Variants in PIK3R1 observed in about 807,000 individuals in gnomAD.
The protein encoded by PIK3R1 is phosphatidylinositol 3-kinase regulatory subunit alpha.
In PIK3R1, 29 loss-of-function variants were observed where a neutral mutation model predicts 98.0. That is an observed-to-expected ratio of 0.30 (90% CI 0.22 to 0.40). The LOEUF is 0.40. Among genes scored for constraint, PIK3R1 ranks in the 10% least tolerant of loss-of-function variants. PIK3R1 has a pLI of 1.00. For missense variants in PIK3R1, 596 were observed against 872.7 expected, an observed-to-expected ratio of 0.68 and a Z score of 3.99; for synonymous variants, 282 against 311.8, an observed-to-expected ratio of 0.90 and a Z score of 1.01.
In PIK3R1 at chr5:68,292,251, A is replaced by T; in HGVS notation, c.917-8A>T. On this transcript the variant is annotated splice_region_variant and splice_polypyrimidine_tract_variant and intron_variant, in intron 7 of 15. Transcript: ENST00000521381. ...GATTGCGAACAACTTTTTCTTTTTCATCTGCAGCACTGCCTCCTAAACCAC... is the reference window on the plus strand; with the variant it reads ...GATTGCGAACAACTTTTTCTTTTTCTTCTGCAGCACTGCCTCCTAAACCAC... The T allele has an allele frequency of 6.3e-7, 1 of 1,588,384 alleles. No individual in the cohort carries two copies. The highest frequency in any genetic ancestry group is 1.8e-5 in the Admixed American group (1 of 55,434).
intron 2 of PIK3R1, among the ~76,000 whole-genome samples, chr5:68,250,629 C>A (rs1218602851): frequency 6.6e-6 from 1 of 152,186 alleles, no homozygotes; most frequent in Non-Finnish European, 1.5e-5. Flanking sequence ...GATCTAATCT[C>A]AGGACCTAAC....
intron 2 of PIK3R1, among the ~76,000 whole-genome samples, chr5:68,267,525 A>C (rs774307592): frequency 6.6e-6 from 1 of 151,974 alleles, no homozygotes; most frequent in African/African-American, 2.4e-5. Context: ...TCTGTCGGCA[A>C]CTCTTTTAAT....
Position 68,226,910 on chromosome 5 carries a change from A to G in PIK3R1, c.235A>G (p.Arg79Gly). The change falls in exon 2 of 16, where the codon AGG (arginine) becomes GGG (glycine). Residue 79 changes from arginine (R) to glycine (G), a missense_variant. Physicochemically the swap from Arg to Gly is moderately radical, Grantham distance 125. Transcript: ENST00000521381. ...GGGAACTTACGTAGAATATATTGGA[A>G]GGAAAAAAATCTCGCCTCCCACACC... ...FPGTYVEYIG[R>G]KKISPPTPKP... 6.2e-7 allele frequency: 1 copy of G among 1,614,136 alleles called. No individual in the cohort carries two copies. Among genetic ancestry groups the G allele is most frequent in the Non-Finnish European group, 8.5e-7 (1 of 1,180,008 alleles).
At chr5:68,254,467 T>C (rs1745435914) in intron 2 of PIK3R1, among the ~76,000 whole-genome samples, 1 of 152,214 alleles carries the variant, frequency 6.6e-6, no homozygotes, top group Non-Finnish European at 1.5e-5. Flanking sequence ...TTGGAATCTC[T>C]CTATAAAGGA....
chr5:68,280,418 A>T (rs1254195488), intron 5 of PIK3R1, 110 bp from the exon 6 acceptor site: 1 of 747,226 alleles, frequency 1.3e-6, no homozygotes, highest in African/African-American at 1.7e-5. Flanking sequence ...AACTTTTTAA[A>T]TGACTCCTAT....
rs977759000 is a variant in PIK3R1, at chr5:68,297,915, A to C, written c.*314A>C. The C allele has an allele frequency of 3.9e-6, 1 of 253,844 alleles. No individual in the cohort carries two copies. The highest frequency in any genetic ancestry group is 2.2e-5 in the African/African-American group (1 of 45,920). 15.7% of individuals were successfully genotyped at this position (253,844 alleles called of 1,614,324 possible). On this transcript the variant is annotated 3_prime_UTR_variant, in exon 16 of 16. Transcript: ENST00000521381. ...TGCAAAAATCTCTGCGTGCAGGGAC[A>C]AAGAGGCCTTTAACCATGGTGCTTG... is the stretch of plus-strand genomic sequence containing the variant.
intron 7 of PIK3R1, chr5:68,288,776 T>C (rs992563660): frequency 7.3e-7 from 1 of 1,373,266 alleles, no homozygotes. Flanking sequence ...ATTTGTGCAC[T>C]TCTCTGTTCC....
intron 2 of PIK3R1, among the ~76,000 whole-genome samples, chr5:68,242,111 T>C (rs1341255655): frequency 6.6e-6 from 1 of 152,210 alleles, no homozygotes; most frequent in Non-Finnish European, 1.5e-5. Context: ...CTCATTCCAT[T>C]TAGGCAAAAG....
intron 2 of PIK3R1, among the ~76,000 whole-genome samples, chr5:68,263,644 G>A (rs1746001322): frequency 6.6e-6 from 1 of 152,116 alleles, no homozygotes; most frequent in Non-Finnish European, 1.5e-5. Flanking sequence ...GTTAAGGATT[G>A]TGTTTACTTT....
intron 2 of PIK3R1, among the ~76,000 whole-genome samples, chr5:68,230,694 G>A (rs368301355): frequency 2.0e-5 from 3 of 152,214 alleles, no homozygotes; most frequent in Non-Finnish European, 2.9e-5. Context: ...AGCCAAGTGA[G>A]TAGAGGGGCT....
intron 2 of PIK3R1, among the ~76,000 whole-genome samples, chr5:68,271,903 C>T (rs1746376411): frequency 6.6e-6 from 1 of 152,134 alleles, no homozygotes; most frequent in African/African-American, 2.4e-5. Context: ...ACATTACTTT[C>T]ATAACGTGAA....
intron 1 of PIK3R1, among the ~76,000 whole-genome samples, chr5:68,219,014 T>C (rs557794161): frequency 2.0e-5 from 3 of 152,318 alleles, no homozygotes; most frequent in Admixed American, 2.0e-4. Context: ...CTGCCAATAC[T>C]TGTATGGAGT....
At chr5:68,228,025 A>C (rs1344938092) in intron 2 of PIK3R1, among the ~76,000 whole-genome samples, 1 of 152,156 alleles carries the variant, frequency 6.6e-6, no homozygotes, top group East Asian at 1.9e-4. Context: ...CGGTTTCCTC[A>C]CTAGTAAATC....
chr5:68,255,579 C>T (rs139167140), intron 2 of PIK3R1, among the ~76,000 whole-genome samples: 24 of 152,274 alleles, frequency 1.6e-4, no homozygotes, highest in African/African-American at 5.8e-4. Flanking sequence ...TTGAGGAAAA[C>T]ACTTAAGTTT....
intron 2 of PIK3R1, among the ~76,000 whole-genome samples, chr5:68,253,888 T>C (rs1745412678): frequency 6.6e-6 from 1 of 152,044 alleles, no homozygotes; most frequent in African/African-American, 2.4e-5. Context: ...TATTTAGTCA[T>C]AGGATGACTG....
intron 2 of PIK3R1, among the ~76,000 whole-genome samples, chr5:68,261,494 A>C (rs1580215102): frequency 6.6e-6 from 1 of 152,144 alleles, no homozygotes; most frequent in African/African-American, 2.4e-5. Context: ...GATTTAATCA[A>C]TACTCTTTTA....
intron 2 of PIK3R1, among the ~76,000 whole-genome samples, chr5:68,264,630 T>C (rs561928390): frequency 6.6e-6 from 1 of 152,348 alleles, no homozygotes; most frequent in South Asian, 2.1e-4. Flanking sequence ...TAGTGATTTG[T>C]AATCAGCCTA....
At chr5:68,219,007 C>T (rs1005186839) in intron 1 of PIK3R1, among the ~76,000 whole-genome samples, 1 of 152,156 alleles carries the variant, frequency 6.6e-6, no homozygotes, top group Non-Finnish European at 1.5e-5. Context: ...CATGATTCTG[C>T]CAATACTTGT....
intron 2 of PIK3R1, among the ~76,000 whole-genome samples, chr5:68,253,877 T>C (rs1266621902): frequency 6.6e-6 from 1 of 152,228 alleles, no homozygotes; most frequent in Admixed American, 6.5e-5. Context: ...GGTGGAAAGC[T>C]TATTTAGTCA....
Sources: gnomAD v4.1 joint callset for allele counts (sites outside exome capture counted in the v4.1 genomes callset) on GRCh38, gnomAD v4.1.1 for gene constraint, MANE v1.5 for transcripts, NCBI Gene and HGNC (gene_info 2026-07-23, HGNC 2026-07-21) for gene names.